Variants in SDHAF3 observed in about 807,000 individuals in gnomAD.
The protein encoded by SDHAF3 is succinate dehydrogenase assembly factor 3, mitochondrial.
SDHAF3 carries 18 observed loss-of-function variants against 11.5 expected under a neutral mutation model. That is an observed-to-expected ratio of 1.56 (90% CI 1.08 to 2.32). The LOEUF (loss-of-function observed/expected upper bound fraction) is 2.32. Among genes scored for constraint, SDHAF3 ranks in the 30% most tolerant of loss-of-function variants. The pLI is 0.00. For synonymous variants in SDHAF3, 72 were observed against 59.3 expected (o/e 1.21, Z -0.99); for missense variants, 200 against 154.4 (o/e 1.30, Z -1.57).
intron 1 of SDHAF3, among the ~76,000 whole-genome samples, chr7:97,150,468 C>T (rs939418968): frequency 2.6e-5 from 4 of 151,790 alleles, no homozygotes; most frequent in African/African-American, 9.7e-5. Flanking sequence ...GGCATGAAAA[C>T]ATTATTAATC....
chr7:97,174,312 AAG>A (rs1789648957), intron 1 of SDHAF3, among the ~76,000 whole-genome samples: 1 of 152,248 alleles, frequency 6.6e-6, no homozygotes, highest in Non-Finnish European at 1.5e-5. Flanking sequence ...AGAGTTACAG[AAG>A]AGAGTTGCAA....
chr7:97,132,012 A>T (rs1377856939), intron 1 of SDHAF3, among the ~76,000 whole-genome samples: 2 of 152,206 alleles, frequency 1.3e-5, no homozygotes, highest in Non-Finnish European at 2.9e-5. Context: ...TCTTTGGATG[A>T]TAAGATTGAT....
intron 1 of SDHAF3, among the ~76,000 whole-genome samples, chr7:97,174,693 G>A (rs367942086): frequency 6.6e-6 from 1 of 152,240 alleles, no homozygotes; most frequent in Admixed American, 6.5e-5. Flanking sequence ...TTAGATTGAG[G>A]TTGTGCATTA....
intron 1 of SDHAF3, among the ~76,000 whole-genome samples, chr7:97,126,337 A>G (rs1791577252): frequency 6.6e-6 from 1 of 152,202 alleles, no homozygotes; most frequent in African/African-American, 2.4e-5. Flanking sequence ...CGTCCTGCGA[A>G]AGCCCTCCTT....
intron 1 of SDHAF3, among the ~76,000 whole-genome samples, chr7:97,123,777 T>C (rs1200360278): frequency 6.8e-6 from 1 of 148,148 alleles, no homozygotes; most frequent in Non-Finnish European, 1.5e-5. Flanking sequence ...GTTTGTTTAC[T>C]GCATAAATGT....
chr7:97,178,391 G>C (rs886661860), intron 1 of SDHAF3, among the ~76,000 whole-genome samples: 10 of 152,166 alleles, frequency 6.6e-5, no homozygotes, highest in Non-Finnish European at 1.5e-4. Context: ...ATATACCTAT[G>C]AGTGCATTTG....
intron 1 of SDHAF3, among the ~76,000 whole-genome samples, chr7:97,141,847 A>G (rs1467187828): frequency 6.6e-6 from 1 of 152,078 alleles, no homozygotes; most frequent in Non-Finnish European, 1.5e-5. Flanking sequence ...AGTTGATGGT[A>G]AGTTCATTGA....
chr7:97,168,525 T>C (rs1199357364), intron 1 of SDHAF3, among the ~76,000 whole-genome samples: 1 of 151,972 alleles, frequency 6.6e-6, no homozygotes, highest in African/African-American at 2.4e-5. Flanking sequence ...CAAGATGGAG[T>C]TGGTTAGGTC....
At chr7:97,130,592 C>T (rs147161217) in intron 1 of SDHAF3, among the ~76,000 whole-genome samples, 4 of 152,304 alleles carry the variant, frequency 2.6e-5, no homozygotes, top group African/African-American at 9.6e-5. Flanking sequence ...TGGGCTGGCC[C>T]CACCCCTCCA....
intron 1 of SDHAF3, among the ~76,000 whole-genome samples, chr7:97,119,675 A>C (rs546913158): frequency 1.9e-4 from 29 of 152,162 alleles, no homozygotes; most frequent in Non-Finnish European, 2.6e-4. Flanking sequence ...CCAGGATCCA[A>C]TGGGGATTCT....
At chr7:97,120,060 C>G (rs1426472381) in intron 1 of SDHAF3, among the ~76,000 whole-genome samples, 1 of 152,098 alleles carries the variant, frequency 6.6e-6, no homozygotes, top group Non-Finnish European at 1.5e-5. Context: ...GGGGTAGGTA[C>G]TCTCAGGCTT....
intron 1 of SDHAF3, among the ~76,000 whole-genome samples, 168 bp from the exon 2 acceptor site, chr7:97,180,839 CATGAA>C (rs1232010951): frequency 6.6e-6 from 1 of 152,170 alleles, no homozygotes; most frequent in African/African-American, 2.4e-5. Flanking sequence ...AATAGATATA[CATGAA>C]ATGATCAATG....
intron 1 of SDHAF3, among the ~76,000 whole-genome samples, chr7:97,162,773 ATTC>A (rs1402820200): frequency 6.6e-6 from 1 of 152,066 alleles, no homozygotes; most frequent in Non-Finnish European, 1.5e-5. Flanking sequence ...TATGATTTCC[ATTC>A]TTTTGCATTT....
chr7:97,180,113 T>G (rs1789747706), intron 1 of SDHAF3, among the ~76,000 whole-genome samples: 1 of 152,020 alleles, frequency 6.6e-6, no homozygotes, highest in Non-Finnish European at 1.5e-5. Flanking sequence ...TGAATGTACT[T>G]AATAAGAGCA....
At chr7:97,176,755 CATT>C (rs576044029) in intron 1 of SDHAF3, among the ~76,000 whole-genome samples, 7 of 152,038 alleles carry the variant, frequency 4.6e-5, no homozygotes, top group Admixed American at 2.6e-4. Context: ...CCATAAGAAA[CATT>C]ATTCCCATAA....
intron 1 of SDHAF3, among the ~76,000 whole-genome samples, chr7:97,146,766 G>A (rs1226954984): frequency 6.6e-6 from 1 of 150,556 alleles, no homozygotes; most frequent in African/African-American, 2.4e-5. Flanking sequence ...AAATAGTTAA[G>A]CCCAAAGATT....
rs1198949183 is a variant in SDHAF3 at position 97,181,399 on chromosome 7, G to C, written c.*184G>C. 1.5e-5 allele frequency: 7 copies of C among 475,538 alleles called. No individual in the cohort carries two copies. Among genetic ancestry groups the C allele is most frequent in the Non-Finnish European group, 2.6e-5 (7 of 272,146 alleles). The allele number at this position is 475,538 out of a possible 1,614,324, so 29.5% of individuals were successfully genotyped here. ...TAGTGACAATTGAAAAAAACTATTGGAATAATAGCACTTGTATGAAATTCA... is the reference window on the plus strand; with the variant it reads ...TAGTGACAATTGAAAAAAACTATTGCAATAATAGCACTTGTATGAAATTCA... On this transcript the variant is annotated 3_prime_UTR_variant, in exon 2 of 2. Transcript: ENST00000432641.
chr7:97,165,048 G>A (rs558809234), intron 1 of SDHAF3, among the ~76,000 whole-genome samples: 35 of 152,226 alleles, frequency 2.3e-4, no homozygotes, highest in African/African-American at 7.9e-4. Context: ...ACTTTGGGAG[G>A]CTGAGGTGGG....
intron 1 of SDHAF3, among the ~76,000 whole-genome samples, chr7:97,177,424 C>G (rs1021119364): frequency 5.9e-5 from 9 of 152,012 alleles, no homozygotes; most frequent in Non-Finnish European, 1.2e-4. Flanking sequence ...ATTGTGTGAA[C>G]CCGGGAGGCA....
Sources: gnomAD v4.1 joint callset for allele counts (sites outside exome capture counted in the v4.1 genomes callset) on GRCh38, gnomAD v4.1.1 for gene constraint, MANE v1.5 for transcripts, NCBI Gene and HGNC (gene_info 2026-07-23, HGNC 2026-07-21) for gene names.